PARD3: variants seen among roughly 807,000 people sequenced by gnomAD.
The protein encoded by PARD3 is partitioning defective 3 homolog.
Under a neutral mutation model 155.4 loss-of-function variants are expected in PARD3, and 75 were observed. That is an observed-to-expected ratio of 0.48 (90% CI 0.40 to 0.58). The LOEUF (loss-of-function observed/expected upper bound fraction) is 0.58. Among genes scored for constraint, PARD3 ranks in the 20% least tolerant of loss-of-function variants. The probability of loss-of-function intolerance (pLI) is 0.00; values close to 1 mark genes in which losing one functional copy is unlikely to be tolerated. For synonymous variants in PARD3, 576 were observed against 610.5 expected (o/e 0.94, Z 0.83); for missense variants, 1,642 against 1,721.7 (o/e 0.95, Z 0.82).
intron 1 of PARD3, among the ~76,000 whole-genome samples, chr10:34,810,014 T>C (rs1843911855): frequency 7.7e-6 from 1 of 129,186 alleles, no homozygotes; most frequent in Non-Finnish European, 1.6e-5. Context: ...AAACCATGAC[T>C]GTCATTGTTA....
At position 34,450,425 on chromosome 10, in the gene PARD3, G is replaced by A; in HGVS notation, c.606C>T (p.Leu202=). 6.2e-7 allele frequency: 1 copy of A among 1,613,122 alleles called. No individual in the cohort carries two copies. The highest frequency in any genetic ancestry group is 8.5e-7 in the Non-Finnish European group (1 of 1,179,738). ...DRKKDENYRS[L]PRDTSNWSNQ... ...TAGACCAGTTACTAGTATCCCGCGG[G>A]AGGCTTCTGTAGTTTTCATCTTTCT... Residue 202 remains leucine (L), a synonymous_variant, in exon 5 of 25, where the codon CTC becomes CTT. Coordinates refer to ENST00000374788, the MANE Select transcript of PARD3 (RefSeq NM_001184785.2).
intron 2 of PARD3, among the ~76,000 whole-genome samples, chr10:34,633,517 A>G (rs543065088): frequency 2.8e-4 from 42 of 152,246 alleles, no homozygotes; most frequent in Non-Finnish European, 4.6e-4. Context: ...CACAGATGAC[A>G]GAAGTTCTTC....
At chr10:34,425,715 A>T (rs1338589179) in intron 5 of PARD3, among the ~76,000 whole-genome samples, 2 of 152,166 alleles carry the variant, frequency 1.3e-5, no homozygotes, top group African/African-American at 4.8e-5. Context: ...GGGCATGGGG[A>T]CATGCTACTG....
intron 21 of PARD3, among the ~76,000 whole-genome samples, chr10:34,271,905 G>A (rs991454175): frequency 1.3e-5 from 2 of 152,260 alleles, no homozygotes; most frequent in South Asian, 4.1e-4. Flanking sequence ...CAATGAACAC[G>A]TAGTCACTGA....
chr10:34,486,090 A>T (rs922564639), intron 3 of PARD3, among the ~76,000 whole-genome samples: 2 of 151,826 alleles, frequency 1.3e-5, no homozygotes, highest in Admixed American at 1.3e-4. Flanking sequence ...TGAGTGGCTA[A>T]TTTTCTTATT....
At chr10:34,220,293 A>T (rs999708176) in intron 22 of PARD3, among the ~76,000 whole-genome samples, 25 of 152,274 alleles carry the variant, frequency 1.6e-4, no homozygotes, top group African/African-American at 5.5e-4. Context: ...CCGCGTTTTT[A>T]AAAAATATGA....
At chr10:34,157,568 A>G (rs1000257975) in intron 22 of PARD3, among the ~76,000 whole-genome samples, 2 of 152,188 alleles carry the variant, frequency 1.3e-5, no homozygotes, top group African/African-American at 4.8e-5. Context: ...GTCCATGTAC[A>G]ATAATTTTCC....
chr10:34,516,200 G>C (rs1476371831), intron 3 of PARD3, among the ~76,000 whole-genome samples: 2 of 151,998 alleles, frequency 1.3e-5, no homozygotes, highest in South Asian at 2.1e-4. Flanking sequence ...CCTGACCTCA[G>C]GTGATCCGCC....
chr10:34,360,799 T>A (rs1420796643), intron 12 of PARD3, among the ~76,000 whole-genome samples: 1 of 152,192 alleles, frequency 6.6e-6, no homozygotes, highest in African/African-American at 2.4e-5. Context: ...CATCAACATC[T>A]GTGAGACAAA....
At chr10:34,402,477 T>C (rs17474100) in intron 5 of PARD3, among the ~76,000 whole-genome samples, 10,199 of 152,210 alleles carry the variant, frequency 0.067, 458 homozygotes, top group Non-Finnish European at 0.096. Context: ...CTTCATCCCG[T>C]AAAATTTCAC....
At chr10:34,247,137 T>A (rs1954007003) in intron 22 of PARD3, among the ~76,000 whole-genome samples, 3 of 151,712 alleles carry the variant, frequency 2.0e-5, no homozygotes, top group Admixed American at 6.6e-5. Context: ...ATGTCTGACA[T>A]CTGATAAAAA....
intron 3 of PARD3, among the ~76,000 whole-genome samples, chr10:34,501,330 C>A (rs1211798751): frequency 1.3e-5 from 2 of 152,126 alleles, no homozygotes; most frequent in African/African-American, 4.8e-5. Flanking sequence ...CTCTGCCCGA[C>A]TTGCTCCTGC....
chr10:34,635,983 G>A (rs75826644), intron 2 of PARD3, among the ~76,000 whole-genome samples: 10,515 of 150,564 alleles, frequency 0.07, 1,219 homozygotes, highest in African/African-American at 0.24. Context: ...TTTTTTTTAC[G>A]CAAGGATAAC....
At chr10:34,551,595 G>A (rs1458548684) in intron 2 of PARD3, among the ~76,000 whole-genome samples, 2 of 152,180 alleles carry the variant, frequency 1.3e-5, no homozygotes, top group Non-Finnish European at 2.9e-5. Context: ...ACTCCTGCCT[G>A]GGACCAAAAC....
intron 2 of PARD3, among the ~76,000 whole-genome samples, chr10:34,520,851 T>C (rs961030590): frequency 2.0e-5 from 3 of 152,198 alleles, no homozygotes; most frequent in African/African-American, 4.8e-5. Flanking sequence ...GGTACCTTTG[T>C]AGCCTCAAAA....
intron 22 of PARD3, among the ~76,000 whole-genome samples, chr10:34,267,336 G>A (rs951510119): frequency 6.6e-6 from 1 of 152,148 alleles, no homozygotes; most frequent in Non-Finnish European, 1.5e-5. Flanking sequence ...TTTGGATCCT[G>A]ACATATCTGT....
At chr10:34,402,500 T>G (rs958681812) in intron 5 of PARD3, among the ~76,000 whole-genome samples, 6 of 152,184 alleles carry the variant, frequency 3.9e-5, no homozygotes, top group Non-Finnish European at 8.8e-5. Context: ...AAAGTTACCC[T>G]AAGCCAATCG....
At chr10:34,682,506 A>T (rs2133353272) in intron 2 of PARD3, among the ~76,000 whole-genome samples, 1 of 152,324 alleles carries the variant, frequency 6.6e-6, no homozygotes, top group East Asian at 1.9e-4. Context: ...TTACCTACAG[A>T]AACTCATTTC....
At chr10:34,608,691 C>A (rs1033295673) in intron 2 of PARD3, among the ~76,000 whole-genome samples, 1 of 152,034 alleles carries the variant, frequency 6.6e-6, no homozygotes, top group African/African-American at 2.4e-5. Flanking sequence ...CCTGCCACCA[C>A]GCTCGCCTAA....
Sources: gnomAD v4.1 joint callset for allele counts (sites outside exome capture counted in the v4.1 genomes callset) on GRCh38, gnomAD v4.1.1 for gene constraint, MANE v1.5 for transcripts, NCBI Gene and HGNC (gene_info 2026-07-23, HGNC 2026-07-21) for gene names.